RBL1: variants seen among roughly 807,000 people sequenced by gnomAD.
RBL1 encodes retinoblastoma-like protein 1.
In RBL1, 82 loss-of-function variants were observed where a neutral mutation model predicts 123.0. The observed-to-expected ratio is 0.67, with a 90% CI of 0.56 to 0.80. The LOEUF (loss-of-function observed/expected upper bound fraction) is 0.80, where lower values mean the gene tolerates loss of function less well. Ranked by LOEUF, RBL1 falls within the 30% of genes least tolerant of loss-of-function variation. The pLI is 0.00. For missense variants in RBL1, 1,171 were observed against 1,299.6 expected (o/e 0.90, Z 1.52); for synonymous variants, 405 against 441.3 (o/e 0.92, Z 1.03).
intron 14 of RBL1, among the ~76,000 whole-genome samples, chr20:37,036,693 T>G (rs1224381920): frequency 6.7e-6 from 1 of 149,042 alleles, no homozygotes; most frequent in Admixed American, 6.8e-5. Flanking sequence ...TGGTATGATC[T>G]CAGCTCACTG....
intron 16 of RBL1, among the ~76,000 whole-genome samples, chr20:37,027,777 C>T (rs772697348): frequency 4.6e-5 from 7 of 152,174 alleles, no homozygotes; most frequent in South Asian, 2.1e-4. Flanking sequence ...GTTTTGGAGA[C>T]GGGATCTTAC....
At chr20:37,037,988 GTT>G (rs57647591) in intron 14 of RBL1, among the ~76,000 whole-genome samples, 2,446 of 83,636 alleles carry the variant, frequency 0.029, 55 homozygotes, top group African/African-American at 0.12. Context: ...CCCGGCCATT[GTT>G]TTTTTTTTTT....
chr20:37,029,381 T>A (rs1393868401), intron 16 of RBL1, among the ~76,000 whole-genome samples: 1 of 152,172 alleles, frequency 6.6e-6, no homozygotes. Context: ...AATACTGTAT[T>A]TTCATTCTGT....
At chr20:37,011,662 T>C (rs558319496) in intron 19 of RBL1, among the ~76,000 whole-genome samples, 5 of 152,078 alleles carry the variant, frequency 3.3e-5, no homozygotes, top group South Asian at 2.1e-4. Flanking sequence ...CTCAAACTCC[T>C]GACCTCAAGT....
At chr20:37,032,905 T>G (rs191195173) in intron 15 of RBL1, 29 bp from the exon 16 acceptor site, 16 of 1,611,852 alleles carry the variant, frequency 9.9e-6, no homozygotes, top group Admixed American at 1.7e-5. Flanking sequence ...TTAGAAATAA[T>G]CTGCATATGT....
intron 15 of RBL1, among the ~76,000 whole-genome samples, chr20:37,033,614 CT>C (rs1379232315): frequency 2.7e-3 from 338 of 125,748 alleles, no homozygotes; most frequent in African/African-American, 4.3e-3. Context: ...TGCAGCTGGA[CT>C]TTTTTTTTTT....
intron 15 of RBL1, 95 bp downstream of exon 15, chr20:37,035,144 AAAT>A (rs1206451733): frequency 4.8e-6 from 6 of 1,250,986 alleles, no homozygotes; most frequent in African/African-American, 1.5e-5. Context: ...GTTCAAGAAA[AAAT>A]AATGAGTTAG....
intron 20 of RBL1, 72 bp from the exon 21 acceptor site, chr20:37,003,938 T>C: frequency 1.5e-6 from 2 of 1,351,042 alleles, no homozygotes; most frequent in South Asian, 3.2e-5. Flanking sequence ...ATTTTTATTC[T>C]TATGGTATCT....
chr20:37,043,963 TA>T, intron 13 of RBL1, 122 bp downstream of exon 13: 1 of 720,182 alleles, frequency 1.4e-6, no homozygotes, highest in Non-Finnish European at 2.1e-6. Context: ...ATTTATATAC[TA>T]AAACCACTGA....
At chr20:37,073,705 G>GAAAAAAAAAAAAAA (rs796752326) in intron 2 of RBL1, among the ~76,000 whole-genome samples, 5 of 103,152 alleles carry the variant, frequency 4.8e-5, no homozygotes, top group African/African-American at 1.1e-4. Flanking sequence ...CTCAAAAAAA[G>GAAAAAAAAAAAAAA]AAAAAAAAAA....
chr20:37,072,826 T>C (rs1256027506), intron 2 of RBL1, among the ~76,000 whole-genome samples: 6 of 152,236 alleles, frequency 3.9e-5, no homozygotes, highest in African/African-American at 1.4e-4. Context: ...TTCTGTGATA[T>C]GCTCTTTGGC....
chr20:37,034,614 C>G (rs927934318), intron 15 of RBL1, among the ~76,000 whole-genome samples: 18 of 151,768 alleles, frequency 1.2e-4, no homozygotes, highest in African/African-American at 4.1e-4. Context: ...AGCCTGGGAG[C>G]AGAGGTTGCA....
In RBL1 at chr20:37,022,775, C is replaced by T. The variant is rs755071237; in HGVS notation, c.2434G>A (p.Val812Ile). 6.2e-7 allele frequency: 1 copy of T among 1,613,526 alleles called. No homozygotes were observed. Among genetic ancestry groups the T allele is most frequent in the Admixed American group, 1.7e-5 (1 of 59,994 alleles). The part of the protein sequence containing the change: ...RLRDLCLKLD[V>I]SNELRRKIWT... ...ATCTTCCTTCGTAACTCATTTGAAA[C>T]ATCCAGTTTTAGACATAGATCACGT... The change falls in exon 17 of 22, where the codon GTT (valine) becomes ATT (isoleucine). Residue 812 changes from valine (V) to isoleucine (I), a missense_variant. Transcript: ENST00000373664.
At chr20:37,068,985 A>AT (rs1309745225) in intron 2 of RBL1, among the ~76,000 whole-genome samples, 2 of 152,294 alleles carry the variant, frequency 1.3e-5, no homozygotes, top group East Asian at 3.9e-4. Flanking sequence ...AGTGCCTGCG[A>AT]TTGCAGGCTC....
At chr20:37,000,368 G>A (rs1420456904) in intron 21 of RBL1, among the ~76,000 whole-genome samples, 1 of 146,964 alleles carries the variant, frequency 6.8e-6, no homozygotes, top group Non-Finnish European at 1.5e-5. Flanking sequence ...GAAGGGAGGT[G>A]GGGGGGTTAG....
In RBL1 at chr20:37,032,718, T is replaced by C. The variant is rs139432384; in HGVS notation, c.2329A>G (p.Thr777Ala). 2 of 1,614,110 alleles carry C rather than the reference T, an allele frequency of 1.2e-6. No individual in the cohort carries two copies. The highest frequency in any genetic ancestry group is 1.3e-5 in the African/African-American group (1 of 75,062). ...NLTKAQEVHS[T>A]GINRPKRTGS... The stretch of plus-strand genomic sequence containing the variant: ...GTTCTCTTTGGCCTGTTTATTCCAG[T>C]TGAATGTACCTCTTGTGCTTTAGTC... The change falls in exon 16 of 22, where the codon ACT becomes GCT. Residue 777 changes from threonine (T) to alanine (A), a missense_variant. Thr to Ala is a moderately conservative substitution (Grantham distance 58, BLOSUM62 0). Coordinates refer to ENST00000373664, the MANE Select transcript of RBL1 (RefSeq NM_002895.5).
chr20:37,059,332 T>C (rs1448527509), intron 9 of RBL1, among the ~76,000 whole-genome samples: 1 of 152,234 alleles, frequency 6.6e-6, no homozygotes, highest in Non-Finnish European at 1.5e-5. Flanking sequence ...TCAGCTTTTC[T>C]TGGAGGACCA....
At chr20:37,081,961 G>A (rs1428360286) in intron 2 of RBL1, 2 of 455,772 alleles carry the variant, frequency 4.4e-6, no homozygotes, top group Admixed American at 2.4e-5. Flanking sequence ...GTAAATGGAG[G>A]CTCGCTTCAG....
intron 1 of RBL1, 135 bp from the exon 2 acceptor site, chr20:37,089,257 T>C: frequency 1.2e-6 from 1 of 825,638 alleles, no homozygotes. Flanking sequence ...GTGAAGATAT[T>C]TGCCCAAGGT....
Sources: gnomAD v4.1 joint callset for allele counts (sites outside exome capture counted in the v4.1 genomes callset) on GRCh38, gnomAD v4.1.1 for gene constraint, MANE v1.5 for transcripts, NCBI Gene and HGNC (gene_info 2026-07-23, HGNC 2026-07-21) for gene names.